The following CBFB variants were observed in gnomAD, a reference collection of about 807,000 sequenced individuals.
The protein encoded by CBFB is core-binding factor subunit beta.
CBFB carries 9 observed loss-of-function variants against 30.4 expected under a neutral mutation model. That is an observed-to-expected ratio of 0.30 (90% CI 0.18 to 0.52). The LOEUF (loss-of-function observed/expected upper bound fraction) is 0.52, where lower values mean the gene tolerates loss of function less well. Ranked by LOEUF, CBFB falls within the 20% of genes least tolerant of loss-of-function variation. The pLI is 0.97. For synonymous variants in CBFB, 94 were observed against 84.0 expected, an observed-to-expected ratio of 1.12 and a Z score of -0.65; for missense variants, 170 against 244.0, an observed-to-expected ratio of 0.70 and a Z score of 2.02.
chr16:67,060,330 T>G (rs1390334095), intron 3 of CBFB, among the ~76,000 whole-genome samples: 1 of 152,178 alleles, frequency 6.6e-6, no homozygotes, highest in Non-Finnish European at 1.5e-5. Flanking sequence ...TTCACTCTTT[T>G]AGAGTGTACG....
chr16:67,077,814 TACTA>T, intron 4 of CBFB, among the ~76,000 whole-genome samples: 1 of 152,220 alleles, frequency 6.6e-6, no homozygotes, highest in East Asian at 1.9e-4. Context: ...AAGAGAGAAT[TACTA>T]CAACAAGAGT....
intron 4 of CBFB, among the ~76,000 whole-genome samples, chr16:67,079,451 C>A (rs1961494238): frequency 6.6e-6 from 1 of 151,308 alleles, no homozygotes; most frequent in Admixed American, 6.6e-5. Flanking sequence ...AACAAGATAT[C>A]CAGCAGTACA....
intron 5 of CBFB, among the ~76,000 whole-genome samples, chr16:67,083,499 T>A (rs1277736629): frequency 6.6e-6 from 1 of 152,146 alleles, no homozygotes; most frequent in African/African-American, 2.4e-5. Context: ...TTTCACCATG[T>A]TGGTCAGGCT....
At chr16:67,061,424 G>A (rs1960908087) in intron 3 of CBFB, among the ~76,000 whole-genome samples, 1 of 152,120 alleles carries the variant, frequency 6.6e-6, no homozygotes, top group Admixed American at 6.5e-5. Context: ...TTTAAAGTTT[G>A]AAATAAGGAA....
At chr16:67,090,478 A>G (rs367741589) in intron 5 of CBFB, among the ~76,000 whole-genome samples, 6 of 152,274 alleles carry the variant, frequency 3.9e-5, no homozygotes, top group African/African-American at 7.2e-5. Context: ...AACTAATTCA[A>G]ATGTCTTTTG....
rs1966285525 is a variant in CBFB, at chr16:67,029,305, C to T, written c.-103C>T. 1 of 749,680 alleles carries T rather than the reference C, an allele frequency of 1.3e-6. No homozygotes were observed. The highest frequency in any genetic ancestry group is 1.8e-6 in the Non-Finnish European group (1 of 542,164). 46.4% of individuals were successfully genotyped at this position (749,680 alleles called of 1,614,324 possible). On this transcript the variant is annotated 5_prime_UTR_variant, in exon 1 of 6. Transcript: ENST00000412916. Reference sequence around the variant, plus strand: ...CCTGAAACAAAGGGAAGCGGGCGTCCGGGCGCCGCGGGTGGGCGGTCAGTC... The same window carrying T: ...CCTGAAACAAAGGGAAGCGGGCGTCTGGGCGCCGCGGGTGGGCGGTCAGTC...
At chr16:67,036,346 G>A (rs1966439600) in intron 2 of CBFB, 1 of 288,462 alleles carries the variant, frequency 3.5e-6, no homozygotes, top group African/African-American at 2.2e-5. Context: ...GTGGCTTCTG[G>A]TTAGACATTA....
chr16:67,096,832 G>T (rs1033306223), intron 5 of CBFB, among the ~76,000 whole-genome samples: 1 of 151,680 alleles, frequency 6.6e-6, no homozygotes, highest in Non-Finnish European at 1.5e-5. Context: ...AAATTAGCTG[G>T]GTGTGGTGGT....
At position 67,100,665 on chromosome 16, in the gene CBFB, A is replaced by G. The variant is rs1366984826; in HGVS notation, c.*1887A>G. ...TTTTTAAATAACATGATGATGGTACATTTTCCTCTATTGTCTAGCTAAGGG... is the reference window on the plus strand; with the variant it reads ...TTTTTAAATAACATGATGATGGTACGTTTTCCTCTATTGTCTAGCTAAGGG... On this transcript the variant is annotated 3_prime_UTR_variant, in exon 6 of 6. Transcript: ENST00000412916. The G allele has an allele frequency of 1.4e-5, 3 of 219,836 alleles. No homozygotes were observed. The highest frequency in any genetic ancestry group is 2.7e-5 in the Non-Finnish European group (3 of 109,508). The allele number at this position is 219,836 out of a possible 1,614,324, so 13.6% of individuals were successfully genotyped here. A position where few individuals can be genotyped will look rare whatever the true frequency, so the allele number is the denominator to read the frequency against.
intron 4 of CBFB, 179 bp from the exon 5 acceptor site, chr16:67,082,034 G>A: frequency 3.0e-6 from 1 of 331,098 alleles, no homozygotes; most frequent in Non-Finnish European, 5.6e-6. Flanking sequence ...GGTCAGGCTG[G>A]TGTCGAACTC....
chr16:67,039,154 C>G (rs1320071251), intron 3 of CBFB, among the ~76,000 whole-genome samples: 1 of 152,106 alleles, frequency 6.6e-6, no homozygotes, highest in Non-Finnish European at 1.5e-5. Context: ...ATGGTATAGC[C>G]TACTACACAC....
At chr16:67,085,860 A>T (rs1358930948) in intron 5 of CBFB, among the ~76,000 whole-genome samples, 7 of 151,496 alleles carry the variant, frequency 4.6e-5, no homozygotes, top group African/African-American at 1.7e-4. Flanking sequence ...TGTATTTTTT[A>T]GTAGAGACGG....
At chr16:67,069,239 A>G (rs1216101616) in intron 4 of CBFB, among the ~76,000 whole-genome samples, 1 of 151,982 alleles carries the variant, frequency 6.6e-6, no homozygotes, top group Non-Finnish European at 1.5e-5. Context: ...GTGTTGTGGC[A>G]TATGCCTGCC....
At chr16:67,059,980 T>C (rs59359435) in intron 3 of CBFB, among the ~76,000 whole-genome samples, 7,036 of 150,640 alleles carry the variant, frequency 0.047, 206 homozygotes, top group South Asian at 0.091. Context: ...TTCTTTCTTT[T>C]TTTTTTTTTG....
chr16:67,048,026 G>T (rs974363031), intron 3 of CBFB, among the ~76,000 whole-genome samples: 1 of 151,886 alleles, frequency 6.6e-6, no homozygotes, highest in Non-Finnish European at 1.5e-5. Context: ...CCAAGATCGC[G>T]CCACTGCACT....
rs1424688021 is a variant in CBFB, at chr16:67,100,157, T to A, written c.*1379T>A. Reference sequence around the variant, plus strand: ...CATGGTCACATTTATTAAATGTTACTACATTTCTGAATTTTTGAAAAATGT... The same window carrying A: ...CATGGTCACATTTATTAAATGTTACAACATTTCTGAATTTTTGAAAAATGT... On this transcript the variant is annotated 3_prime_UTR_variant, in exon 6 of 6. Transcript: ENST00000412916. The A allele has an allele frequency of 4.7e-6, 1 of 211,084 alleles. No homozygotes were observed. Among genetic ancestry groups the A allele is most frequent in the Admixed American group, 5.9e-5 (1 of 16,968 alleles). The allele number at this position is 211,084 out of a possible 1,614,324, so 13.1% of individuals were successfully genotyped here.
intron 2 of CBFB, chr16:67,030,134 C>A: frequency 3.7e-6 from 1 of 268,340 alleles, no homozygotes; most frequent in South Asian, 1.0e-4. Context: ...GTATTTGTAG[C>A]AAGCAAACCC....
rs1422417404 is a variant in CBFB, at chr16:67,029,331, G to T, written c.-77G>T. On this transcript the variant is annotated 5_prime_UTR_variant, in exon 1 of 6. Coordinates refer to ENST00000412916, the MANE Select transcript of CBFB (RefSeq NM_022845.3). Reference sequence around the variant, plus strand: ...GGGCGCCGCGGGTGGGCGGTCAGTCGGTCAGCGCGGAGCCAGCCAGCGGGT... The same window carrying T: ...GGGCGCCGCGGGTGGGCGGTCAGTCTGTCAGCGCGGAGCCAGCCAGCGGGT... The T allele has an allele frequency of 3.8e-6, 4 of 1,048,898 alleles. No homozygotes were observed. Among genetic ancestry groups the T allele is most frequent in the Non-Finnish European group, 5.0e-6 (4 of 799,786 alleles). 65.0% of individuals were successfully genotyped at this position (1,048,898 alleles called of 1,614,324 possible).
At chr16:67,069,355 G>A (rs917093253) in intron 4 of CBFB, among the ~76,000 whole-genome samples, 2 of 151,020 alleles carry the variant, frequency 1.3e-5, no homozygotes, top group African/African-American at 4.9e-5. Flanking sequence ...GGGCGACAGA[G>A]CAAGACTTCA....
Sources: gnomAD v4.1 joint callset for allele counts (sites outside exome capture counted in the v4.1 genomes callset) on GRCh38, gnomAD v4.1.1 for gene constraint, MANE v1.5 for transcripts, NCBI Gene and HGNC (gene_info 2026-07-23, HGNC 2026-07-21) for gene names.